The following ABR variants were observed in gnomAD, a reference collection of about 807,000 sequenced individuals.
The protein encoded by ABR is ABR activator of RhoGEF and GTPase.
Under a neutral mutation model 107.2 loss-of-function variants are expected in ABR, and 35 were observed. That is an observed-to-expected ratio of 0.33 (90% confidence interval 0.25 to 0.43). ABR has a LOEUF of 0.43. Among genes scored for constraint, ABR ranks in the 20% least tolerant of loss-of-function variants. The pLI is 1.00. For missense variants in ABR, 815 were observed against 1,115.2 expected (o/e 0.73, Z 3.83); for synonymous variants, 498 against 462.0 (o/e 1.08, Z -1.00).
chr17:1,014,334 G>A (rs559762260), intron 16 of ABR, among the ~76,000 whole-genome samples: 12 of 131,582 alleles, frequency 9.1e-5, no homozygotes, highest in East Asian at 5.0e-4. Flanking sequence ...CCAGCTACTT[G>A]GGAGGCTGAG....
At chr17:1,180,995 C>A (rs2042116151), upstream of ABR, among the ~76,000 whole-genome samples, 1 of 152,180 alleles carries the variant, frequency 6.6e-6, no homozygotes, top group Non-Finnish European at 1.5e-5. Context: ...ACCCAGGGGG[C>A]CCGGTACCCC....
chr17:1,011,650 G>T lies in ABR; in HGVS notation c.2101+196C>A. On this transcript the variant is annotated intron_variant, in intron 19 of 22. Coordinates refer to ENST00000302538, the MANE Select transcript of ABR (RefSeq NM_021962.5). The surrounding 1 kb of genome is among the most constrained non-coding windows in gnomAD (Gnocchi z 4.8). ...AGTGAGTCGGCCCTTGTGAGTTTCT[G>T]CAGTTGCTTACCTGCAGCAAGGGAC... The T allele has an allele frequency of 1.8e-6, 1 of 556,768 alleles. No individual in the cohort carries two copies. The highest frequency in any genetic ancestry group is 2.8e-6 in the Non-Finnish European group (1 of 357,256). The allele number at this position is 556,768 out of a possible 1,614,324, so 34.5% of individuals were successfully genotyped here. A position where few individuals can be genotyped will look rare whatever the true frequency, so the allele number is the denominator to read the frequency against.
intron 1 of ABR, among the ~76,000 whole-genome samples, chr17:1,196,832 C>G (rs916756085): frequency 2.0e-5 from 3 of 151,854 alleles, no homozygotes; most frequent in Admixed American, 6.6e-5. Context: ...GTAGCTGGGA[C>G]TACAGGCGCC....
chr17:1,025,932 G>A (rs2072159554), intron 16 of ABR, among the ~76,000 whole-genome samples: 1 of 152,204 alleles, frequency 6.6e-6, no homozygotes, highest in South Asian at 2.1e-4. Context: ...GGGGAAGGAG[G>A]TGACAATGGC....
intron 1 of ABR, among the ~76,000 whole-genome samples, chr17:1,132,078 C>G (rs1358479904): frequency 6.6e-6 from 1 of 152,150 alleles, no homozygotes. Flanking sequence ...CCTTGCTGGG[C>G]GCGGTGGCTC....
At chr17:1,109,156 G>T (rs545920158) in intron 2 of ABR, 31 of 1,433,898 alleles carry the variant, frequency 2.2e-5, no homozygotes, top group African/African-American at 8.8e-5. Context: ...CGGGCGGGAG[G>T]GGGGGCAGGT....
intron 1 of ABR, among the ~76,000 whole-genome samples, chr17:1,216,634 C>A (rs1030377686): frequency 1.3e-5 from 2 of 152,190 alleles, no homozygotes; most frequent in African/African-American, 4.8e-5. Context: ...CCCTCTGTAG[C>A]CCAAACAAAG....
intron 16 of ABR, 131 bp downstream of exon 16, chr17:1,049,919 T>C: frequency 7.6e-7 from 1 of 1,310,726 alleles, no homozygotes; most frequent in Non-Finnish European, 1.0e-6. Context: ...GAGAACCACC[T>C]CCTGGGAACT....
At chr17:1,216,141 C>T (rs903431365) in intron 1 of ABR, among the ~76,000 whole-genome samples, 4 of 151,808 alleles carry the variant, frequency 2.6e-5, no homozygotes, top group African/African-American at 7.2e-5. Context: ...GCCAAATCCC[C>T]CTCTCCGAGA....
intron 6 of ABR, 165 bp downstream of exon 6, chr17:1,079,165 C>T: frequency 6.9e-7 from 1 of 1,452,884 alleles, no homozygotes; most frequent in African/African-American, 1.4e-5. Context: ...CGCGTGCGCG[C>T]ACACGCGCAC....
At chr17:1,023,229 A>G (rs1212636863) in intron 16 of ABR, among the ~76,000 whole-genome samples, 1 of 152,122 alleles carries the variant, frequency 6.6e-6, no homozygotes, top group Non-Finnish European at 1.5e-5. Context: ...CTGCCCTGGC[A>G]CCCACTTTGC....
At chr17:1,019,439 C>T (rs1172766253) in intron 16 of ABR, among the ~76,000 whole-genome samples, 4 of 151,846 alleles carry the variant, frequency 2.6e-5, no homozygotes, top group Non-Finnish European at 5.9e-5. Context: ...CTGACATCTT[C>T]CTGGTGCCTG....
chr17:1,079,979 C>T (rs939210067), intron 5 of ABR, among the ~76,000 whole-genome samples: 3 of 151,988 alleles, frequency 2.0e-5, no homozygotes, highest in Non-Finnish European at 2.9e-5. Flanking sequence ...GAGAGGCTGG[C>T]AGGGAGCCCT....
intron 14 of ABR, chr17:1,055,592 A>C (rs2151063014): frequency 1.3e-5 from 2 of 155,486 alleles, no homozygotes; most frequent in Middle Eastern, 6.7e-3. Context: ...CAATGCCATG[A>C]TCTCAGCTCA....
intron 1 of ABR, among the ~76,000 whole-genome samples, chr17:1,144,525 A>G (rs908097581): frequency 6.6e-6 from 1 of 151,372 alleles, no homozygotes; most frequent in Admixed American, 6.6e-5. Context: ...GCCCCTGTGG[A>G]GTGACAAGAG....
Position 1,092,155 on chromosome 17 carries a change from C to T in ABR, c.346-305G>A, listed in dbSNP as rs986036050. Among the ~76,000 whole-genome samples the T allele has an allele frequency of 2.6e-5, 4 of 152,168 alleles. No homozygotes were observed. Among genetic ancestry groups the T allele is most frequent in the African/African-American group, 9.7e-5 (4 of 41,444 alleles). On this transcript the variant is annotated intron_variant, in intron 3 of 22. Coordinates refer to ENST00000302538, the MANE Select transcript of ABR (RefSeq NM_021962.5). This position sits in a 1 kb window ranked among gnomAD's most constrained non-coding sequence, Gnocchi z 4.6. ...GCCTGTACTGGGTTAACAGGATCCG[C>T]GTCTTTCTTCCACGATAGCCTGTGC... is the stretch of plus-strand genomic sequence containing the variant.
upstream of ABR, among the ~76,000 whole-genome samples, chr17:1,184,108 G>C (rs967968703): frequency 6.6e-6 from 1 of 150,970 alleles, no homozygotes; most frequent in Admixed American, 6.6e-5. Flanking sequence ...AGTGAGCCGA[G>C]ATCCTGTCAC....
At chr17:1,062,403 C>T (rs1302017627) in intron 10 of ABR, among the ~76,000 whole-genome samples, 70 of 141,704 alleles carry the variant, frequency 4.9e-4, no homozygotes, top group African/African-American at 1.6e-3. Context: ...TTCCTCTAGA[C>T]ACTGTTGTTA....
At chr17:1,177,245 T>C (rs1198669851) in intron 1 of ABR, among the ~76,000 whole-genome samples, 1 of 152,200 alleles carries the variant, frequency 6.6e-6, no homozygotes, top group Non-Finnish European at 1.5e-5. Flanking sequence ...GGAAAGTTGA[T>C]GGCTAACAGC....
Sources: allele counts gnomAD v4.1 joint callset (sites outside exome capture counted in the v4.1 genomes callset), GRCh38; gene constraint gnomAD v4.1.1; non-coding constraint Gnocchi (gnomAD v3.1); transcripts MANE v1.5; gene names NCBI Gene and HGNC (gene_info 2026-07-23, HGNC 2026-07-21).